Variants in NCAM2 observed in about 807,000 individuals in gnomAD.
NCAM2 encodes the protein neural cell adhesion molecule 2.
NCAM2 carries 30 observed loss-of-function variants against 98.1 expected under a neutral mutation model. The ratio of observed to expected loss-of-function variants is 0.31; its 90% CI spans 0.23 to 0.41. The LOEUF (loss-of-function observed/expected upper bound fraction) is 0.41. Ranked by LOEUF, NCAM2 falls within the 10% of genes least tolerant of loss-of-function variation. The pLI is 1.00. For synonymous variants in NCAM2, 368 were observed against 342.4 expected, an observed-to-expected ratio of 1.07 and a Z score of -0.83; for missense variants, 867 against 1,005.8, an observed-to-expected ratio of 0.86 and a Z score of 1.87.
intron 1 of NCAM2, among the ~76,000 whole-genome samples, chr21:21,015,659 C>T (rs1048374885): frequency 1.3e-5 from 2 of 152,130 alleles, no homozygotes; most frequent in Middle Eastern, 3.4e-3. Context: ...CTCAAACTGG[C>T]GATATCTCCA....
At chr21:21,103,618 G>A (rs981788454) in intron 1 of NCAM2, among the ~76,000 whole-genome samples, 3 of 152,036 alleles carry the variant, frequency 2.0e-5, no homozygotes, top group Non-Finnish European at 2.9e-5. Flanking sequence ...TAATGCTTCT[G>A]TACTTTTATA....
intron 1 of NCAM2, among the ~76,000 whole-genome samples, chr21:21,045,656 G>GA (rs972517545): frequency 2.0e-5 from 3 of 151,442 alleles, no homozygotes; most frequent in African/African-American, 7.3e-5. Flanking sequence ...TCTCAGAAAA[G>GA]AAAAAAAAGG....
At chr21:21,165,453 C>T (rs2067920465) in intron 1 of NCAM2, among the ~76,000 whole-genome samples, 1 of 152,178 alleles carries the variant, frequency 6.6e-6, no homozygotes, top group African/African-American at 2.4e-5. Flanking sequence ...CCAAAGGCCT[C>T]AGGCATGCAA....
intron 1 of NCAM2, among the ~76,000 whole-genome samples, chr21:21,042,075 A>G (rs747820081): frequency 5.9e-5 from 9 of 152,338 alleles, no homozygotes; most frequent in Non-Finnish European, 1.3e-4. Context: ...ACATATACAA[A>G]GGCAGGGATT....
intron 15 of NCAM2, among the ~76,000 whole-genome samples, chr21:21,480,793 T>C (rs1443289823): frequency 1.3e-5 from 2 of 152,230 alleles, no homozygotes; most frequent in Non-Finnish European, 2.9e-5. Flanking sequence ...ATTATAAGTG[T>C]AGACTAACGC....
intron 1 of NCAM2, among the ~76,000 whole-genome samples, chr21:21,156,818 A>G (rs2067628125): frequency 1.3e-5 from 2 of 152,110 alleles, no homozygotes; most frequent in Non-Finnish European, 1.5e-5. Flanking sequence ...TGTGTAATGT[A>G]TCTCGCAACA....
chr21:21,309,638 A>G (rs1263036930), intron 5 of NCAM2, among the ~76,000 whole-genome samples: 1 of 152,074 alleles, frequency 6.6e-6, no homozygotes, highest in East Asian at 1.9e-4. Context: ...ATCACTGCAA[A>G]TCTCAGGGAA....
intron 16 of NCAM2, among the ~76,000 whole-genome samples, chr21:21,512,899 T>G (rs764696410): frequency 6.6e-6 from 1 of 152,088 alleles, no homozygotes; most frequent in African/African-American, 2.4e-5. Flanking sequence ...CCTGTTGACA[T>G]GTGGAAATGT....
chr21:21,224,809 C>T lies in NCAM2; in HGVS notation c.56-55769C>T, dbSNP rs545561007. Among the ~76,000 whole-genome samples, 13 of 152,026 alleles carry T rather than the reference C, an allele frequency of 8.6e-5. No individual in the cohort carries two copies. In the South Asian group the frequency reaches 2.5e-3, roughly 29 times the overall value. On this transcript the variant is annotated intron_variant, in intron 1 of 17. Transcript: ENST00000400546. ...GCATTCCTCTTAGCAATTGTAAAACCATTAAAACCAATGATGAAATAGAAA... is the reference window on the plus strand; with the variant it reads ...GCATTCCTCTTAGCAATTGTAAAACTATTAAAACCAATGATGAAATAGAAA...
At chr21:21,174,875 A>G (rs1294688341) in intron 1 of NCAM2, among the ~76,000 whole-genome samples, 1 of 152,160 alleles carries the variant, frequency 6.6e-6, no homozygotes, top group Non-Finnish European at 1.5e-5. Flanking sequence ...GAAGATAAAG[A>G]ATGATCTGAG....
intron 11 of NCAM2, among the ~76,000 whole-genome samples, chr21:21,427,085 T>C (rs769590642): frequency 2.0e-5 from 3 of 152,170 alleles, no homozygotes; most frequent in Non-Finnish European, 4.4e-5. Context: ...GCACAGTTAG[T>C]GTCTATGAAC....
At chr21:21,243,286 A>G (rs1020782926) in intron 1 of NCAM2, among the ~76,000 whole-genome samples, 9 of 152,184 alleles carry the variant, frequency 5.9e-5, no homozygotes, top group African/African-American at 2.2e-4. Flanking sequence ...GAATGCATAG[A>G]TATGTTCTCA....
intron 12 of NCAM2, among the ~76,000 whole-genome samples, chr21:21,459,522 T>G (rs1982648359): frequency 6.7e-6 from 1 of 148,266 alleles, no homozygotes; most frequent in East Asian, 1.9e-4. Flanking sequence ...TTTATATATA[T>G]TATATATAAT....
chr21:21,298,615 A>ATAGG (rs1224704902), intron 5 of NCAM2, among the ~76,000 whole-genome samples: 3 of 151,488 alleles, frequency 2.0e-5, no homozygotes, highest in African/African-American at 7.3e-5. Flanking sequence ...AGATAGATAG[A>ATAGG]TAGATAGATA....
At chr21:21,507,723 G>A (rs1988076655) in intron 15 of NCAM2, among the ~76,000 whole-genome samples, 1 of 149,678 alleles carries the variant, frequency 6.7e-6, no homozygotes, top group Non-Finnish European at 1.5e-5. Flanking sequence ...CCGGGAGGTG[G>A]AGGTTACAGT....
chr21:21,270,935 CTCTT>C (rs2072473552), intron 1 of NCAM2, among the ~76,000 whole-genome samples: 2 of 151,380 alleles, frequency 1.3e-5, no homozygotes, highest in Non-Finnish European at 2.9e-5. Flanking sequence ...TTCTCATCTT[CTCTT>C]TTAGTTATTT....
intron 12 of NCAM2, among the ~76,000 whole-genome samples, chr21:21,440,479 C>G (rs1166738277): frequency 6.6e-6 from 1 of 151,960 alleles, no homozygotes; most frequent in Non-Finnish European, 1.5e-5. Flanking sequence ...CTCAGGAGTT[C>G]AGGACCAACC....
chr21:21,099,752 G>C (rs969862412), intron 1 of NCAM2, among the ~76,000 whole-genome samples: 2 of 151,848 alleles, frequency 1.3e-5, no homozygotes, highest in African/African-American at 2.4e-5. Context: ...GTCAACAGCA[G>C]TATTGCCAGT....
At position 20,999,081 on chromosome 21, in the gene NCAM2, C is replaced by CT. The variant is rs575593750; in HGVS notation, c.55+473dup. Among the ~76,000 whole-genome samples the CT allele has an allele frequency of 4.4e-3, 660 of 149,446 alleles. 4 individuals are homozygous for CT. The highest frequency in any genetic ancestry group is 0.014 in the African/African-American group (555 of 40,804). On this transcript the variant is annotated intron_variant, in intron 1 of 17. Coordinates refer to ENST00000400546, the MANE Select transcript of NCAM2 (RefSeq NM_004540.5). ...GCAAGACGTTCGATTCTTGGAGACT[C>CT]TTTTTTTTTTCCACCCCTTTCCCAA...
Sources: allele counts gnomAD v4.1 joint callset (sites outside exome capture counted in the v4.1 genomes callset), GRCh38; gene constraint gnomAD v4.1.1; transcripts MANE v1.5; gene names NCBI Gene and HGNC (gene_info 2026-07-23, HGNC 2026-07-21).